Variants in DGKB observed in about 807,000 individuals in gnomAD.
The protein encoded by DGKB is 90 kDa diacylglycerol kinase.
DGKB carries 67 observed loss-of-function variants against 114.3 expected under a neutral mutation model. That is an observed-to-expected ratio of 0.59 (90% confidence interval 0.48 to 0.72). The LOEUF is 0.72. Among genes scored for constraint, DGKB ranks in the 30% least tolerant of loss-of-function variants. The pLI is 0.00. For missense variants in DGKB, 907 were observed against 975.2 expected (o/e 0.93, Z 0.93); for synonymous variants, 398 against 323.1 (o/e 1.23, Z -2.49).
intron 23 of DGKB, among the ~76,000 whole-genome samples, chr7:14,250,132 ATTTT>A (rs57215648): frequency 0.014 from 1,956 of 135,576 alleles, 47 homozygotes; most frequent in African/African-American, 0.049. Flanking sequence ...ATATATATAT[ATTTT>A]TTTTTTTTTT....
intron 1 of DGKB, among the ~76,000 whole-genome samples, chr7:14,890,763 A>G (rs1781078827): frequency 6.6e-6 from 1 of 151,128 alleles, no homozygotes; most frequent in Non-Finnish European, 1.5e-5. Flanking sequence ...AAGACCTCAA[A>G]GACTCCATGC....
intron 2 of DGKB, among the ~76,000 whole-genome samples, chr7:14,787,822 T>C (rs1446466648): frequency 6.6e-6 from 1 of 152,266 alleles, no homozygotes; most frequent in East Asian, 1.9e-4. Context: ...AGCAAAGCTG[T>C]CTGTTGCTGG....
At chr7:14,802,974 C>T (rs183582120) in intron 2 of DGKB, among the ~76,000 whole-genome samples, 4 of 152,108 alleles carry the variant, frequency 2.6e-5, no homozygotes, top group East Asian at 1.9e-4. Context: ...TATTAGAAAA[C>T]GATAGTGCTG....
chr7:14,198,307 G>A (rs954265417), intron 23 of DGKB, among the ~76,000 whole-genome samples: 1 of 152,184 alleles, frequency 6.6e-6, no homozygotes, highest in Non-Finnish European at 1.5e-5. Flanking sequence ...TCAAGGTATG[G>A]GAACATCTAA....
At chr7:14,707,235 T>C (rs1826444240) in intron 6 of DGKB, among the ~76,000 whole-genome samples, 1 of 143,452 alleles carries the variant, frequency 7.0e-6, no homozygotes, top group African/African-American at 2.6e-5. Context: ...GATAAATTCC[T>C]CGACACATAC....
At chr7:14,751,088 C>T (rs1834060864) in intron 4 of DGKB, among the ~76,000 whole-genome samples, 1 of 152,028 alleles carries the variant, frequency 6.6e-6, no homozygotes, top group African/African-American at 2.4e-5. Flanking sequence ...GCTGGGATTA[C>T]AGGTGTGAGC....
chr7:14,591,326 T>C (rs1173101926), intron 17 of DGKB, among the ~76,000 whole-genome samples: 1 of 152,164 alleles, frequency 6.6e-6, no homozygotes, highest in African/African-American at 2.4e-5. Flanking sequence ...CATTTTGCAA[T>C]GAAATCATGC....
chr7:14,965,821 T>G (rs1004647652), intron 1 of DGKB, among the ~76,000 whole-genome samples: 1 of 152,102 alleles, frequency 6.6e-6, no homozygotes, highest in Admixed American at 6.6e-5. Context: ...CATTTGGCAC[T>G]GGTCCTACAT....
At chr7:14,892,862 A>AATGTG (rs564448028) in intron 1 of DGKB, among the ~76,000 whole-genome samples, 2 of 76,230 alleles carry the variant, frequency 2.6e-5, no homozygotes, top group African/African-American at 1.3e-4. Context: ...CCATATATAT[A>AATGTG]TATGTGTGTG....
chr7:14,723,948 T>C (rs1023413364), intron 5 of DGKB, among the ~76,000 whole-genome samples: 1 of 152,172 alleles, frequency 6.6e-6, no homozygotes, highest in African/African-American at 2.4e-5. Context: ...CAGCTTCAGG[T>C]TCAATTATTA....
At chr7:14,630,493 C>CA (rs1435043363) in intron 13 of DGKB, among the ~76,000 whole-genome samples, 3 of 151,860 alleles carry the variant, frequency 2.0e-5, no homozygotes, top group Non-Finnish European at 4.4e-5. Flanking sequence ...ATTATTTATC[C>CA]AAAACACAAC....
chr7:14,195,757 T>C (rs1314815510), intron 23 of DGKB, among the ~76,000 whole-genome samples: 1 of 152,148 alleles, frequency 6.6e-6, no homozygotes, highest in Non-Finnish European at 1.5e-5. Context: ...AACATTAAAA[T>C]AAGGACAGAA....
intron 2 of DGKB, among the ~76,000 whole-genome samples, chr7:14,817,263 T>G (rs185463897): frequency 1.3e-5 from 2 of 152,258 alleles, no homozygotes; most frequent in East Asian, 1.9e-4. Flanking sequence ...CCACTGAGAG[T>G]GCATCCCATT....
At chr7:14,263,744 T>C (rs996685138) in intron 23 of DGKB, among the ~76,000 whole-genome samples, 4 of 151,256 alleles carry the variant, frequency 2.6e-5, no homozygotes, top group Non-Finnish European at 5.9e-5. Flanking sequence ...AGAACTCCAC[T>C]GTCCTAAGAA....
At chr7:14,463,133 A>G (rs879767106) in intron 21 of DGKB, among the ~76,000 whole-genome samples, 13 of 152,156 alleles carry the variant, frequency 8.5e-5, no homozygotes, top group Non-Finnish European at 1.3e-4. Context: ...TCAGCAAACT[A>G]ATACAAGAAC....
At chr7:14,407,853 GAT>G (rs1824192621) in intron 21 of DGKB, among the ~76,000 whole-genome samples, 1 of 151,994 alleles carries the variant, frequency 6.6e-6, no homozygotes, top group Non-Finnish European at 1.5e-5. Context: ...CAACAAGAGA[GAT>G]AGAATAGACA....
At chr7:14,818,920 C>T (rs1844530739) in intron 2 of DGKB, among the ~76,000 whole-genome samples, 1 of 152,134 alleles carries the variant, frequency 6.6e-6, no homozygotes, top group South Asian at 2.1e-4. Context: ...TAAGTGTCTA[C>T]TACACAAATA....
In DGKB at chr7:14,491,755, G is replaced by A. The variant is rs531199699; in HGVS notation, c.1771-13530C>T. 2.0e-5 allele frequency among the ~76,000 whole-genome samples: 3 copies of A among 152,076 alleles called. No homozygotes were observed. In the South Asian group the frequency reaches 6.2e-4, roughly 32 times the overall value. ...TATCGTTGATTGATTCTTTTTAAAT[G>A]ATAAATAACATTTGTCCTCATTCTT... On this transcript the variant is annotated intron_variant, in intron 20 of 25. Coordinates refer to ENST00000402815, the MANE Select transcript of DGKB (RefSeq NM_001350709.2).
chr7:14,898,306 C>G (rs1587300052), intron 1 of DGKB, among the ~76,000 whole-genome samples: 1 of 152,064 alleles, frequency 6.6e-6, no homozygotes, highest in South Asian at 2.1e-4. Context: ...TTATAATAAG[C>G]CAGTTGTGGT....
Sources: gnomAD v4.1 joint callset for allele counts (sites outside exome capture counted in the v4.1 genomes callset) on GRCh38, gnomAD v4.1.1 for gene constraint, MANE v1.5 for transcripts, NCBI Gene and HGNC (gene_info 2026-07-23, HGNC 2026-07-21) for gene names.